Variants in PARP10 observed in about 807,000 individuals in gnomAD.
The protein encoded by PARP10 is poly(ADP-ribose) polymerase family member 10.
Under a neutral mutation model 82.4 loss-of-function variants are expected in PARP10, and 56 were observed. The observed-to-expected ratio is 0.68, with a 90% confidence interval of 0.55 to 0.85. The LOEUF is 0.85. Among genes scored for constraint, PARP10 ranks in the 40% least tolerant of loss-of-function variants. PARP10 has a pLI of 0.00. For synonymous variants in PARP10, 576 were observed against 601.1 expected, an observed-to-expected ratio of 0.96 and a Z score of 0.61; for missense variants, 1,227 against 1,379.4, an observed-to-expected ratio of 0.89 and a Z score of 1.75.
chr8:144,005,718 C>G (rs1554752042), intron 1 of PARP10, among the ~76,000 whole-genome samples: 1 of 152,094 alleles, frequency 6.6e-6, no homozygotes, highest in East Asian at 1.9e-4. Context: ...TGCTACCCAC[C>G]CCAGGGCGTC....
chr8:143,981,292 CGGT>C (rs1833842773), intron 9 of PARP10, among the ~76,000 whole-genome samples: 1 of 151,058 alleles, frequency 6.6e-6, no homozygotes, highest in African/African-American at 2.4e-5. Flanking sequence ...ATGGTGGCCA[CGGT>C]GGTGGTGGTA....
At chr8:143,979,492 T>A (rs993081608) in intron 9 of PARP10, among the ~76,000 whole-genome samples, 1 of 152,184 alleles carries the variant, frequency 6.6e-6, no homozygotes, top group African/African-American at 2.4e-5. Context: ...GAACACTATA[T>A]CCAGCCAAAC....
In PARP10 at chr8:143,977,649, C is replaced by T; in HGVS notation, c.2913G>A (p.Val971=). Residue 971 remains valine, a synonymous_variant, in exon 11 of 11, where the codon GTG becomes GTA. Coordinates refer to ENST00000313028, the MANE Select transcript of PARP10 (RefSeq NM_032789.5). ...CCACGGCGCTGTCGTAGCGCAGGAG[C>T]ACGTGGCCAGGACCCCGCAGAGGGG... ...RAPPLRGPGH[V]LLRYDSAVDC... 1.3e-6 allele frequency: 2 copies of T among 1,594,166 alleles called. No individual in the cohort carries two copies. Among genetic ancestry groups the T allele is most frequent in the Admixed American group, 1.7e-5 (1 of 57,760 alleles).
In PARP10 at chr8:143,985,557, A is replaced by G. The variant is rs1554749108; in HGVS notation, c.528T>C (p.Arg176=). The part of the protein sequence containing the change: ...LARVPQARAV[R]VVGDGASVDL... ...CCACAGAGGCACCATCCCCCACCAC[A>G]CGCACCGCTCGGGCCTGGGGAACCC... The change falls in exon 4 of 11, where the codon CGT becomes CGC. Residue 176 remains arginine (R), a synonymous_variant. Coordinates refer to ENST00000313028, the MANE Select transcript of PARP10 (RefSeq NM_032789.5). 1.2e-6 allele frequency: 2 copies of G among 1,613,816 alleles called. No individual in the cohort carries two copies. Among genetic ancestry groups the G allele is most frequent in the Middle Eastern group, 3.3e-4 (2 of 6,062 alleles).
Position 143,984,870 on chromosome 8 carries a change from T to C in PARP10, c.1132A>G (p.Ser378Gly), listed in dbSNP as rs1554748821. The C allele has an allele frequency of 3.7e-6, 6 of 1,613,780 alleles. No individual in the cohort carries two copies. The highest frequency in any genetic ancestry group is 3.3e-5 in the South Asian group (3 of 91,084). ...VGLQEQEGPMSLGPVGSAGPV... is the reference protein window; with the variant it reads ...VGLQEQEGPMGLGPVGSAGPV... ...CCTGCAGACCCCACAGGCCCCAGGCTCATGGGCCCCTCCTGTTCCTGCAAC... is the reference window on the plus strand; with the variant it reads ...CCTGCAGACCCCACAGGCCCCAGGCCCATGGGCCCCTCCTGTTCCTGCAAC... Residue 378 changes from serine (S) to glycine (G), a missense_variant, in exon 5 of 11, where the codon AGC (serine) becomes GGC (glycine). Transcript: ENST00000313028.
At chr8:143,980,111 G>T (rs1428374874) in intron 9 of PARP10, among the ~76,000 whole-genome samples, 1 of 150,476 alleles carries the variant, frequency 6.6e-6, no homozygotes, top group Non-Finnish European at 1.5e-5. Flanking sequence ...CATGAGGTCA[G>T]GAGATTGAGA....
In PARP10 at chr8:143,985,765, G is replaced by A. The variant is rs1440486748; in HGVS notation, c.392C>T (p.Pro131Leu). ...GGGCAACTGGACCAGAGCCCGGTCT[G>A]GCCGGGGGCTGGCCAAGGCACAGCA... ...QPCCALASPRPDRALVQLPKP... is the reference protein window; with the variant it reads ...QPCCALASPRLDRALVQLPKP... Residue 131 changes from proline to leucine, a missense_variant, in exon 3 of 11, where the codon CCA (proline) becomes CTA (leucine). By Grantham distance (98) the Pro-to-Leu change is moderately conservative. Coordinates refer to ENST00000313028, the MANE Select transcript of PARP10 (RefSeq NM_032789.5). The A allele has an allele frequency of 6.2e-7, 1 of 1,611,016 alleles. No individual in the cohort carries two copies. Among genetic ancestry groups the A allele is most frequent in the Non-Finnish European group, 8.5e-7 (1 of 1,178,726 alleles).
rs1458306913 is a variant in PARP10 at position 143,984,822 on chromosome 8, A to G, written c.1180T>C (p.Leu394=). The G allele has an allele frequency of 6.2e-7, 1 of 1,611,784 alleles. No individual in the cohort carries two copies. Among genetic ancestry groups the G allele is most frequent in the Non-Finnish European group, 8.5e-7 (1 of 1,178,828 alleles). The change falls in exon 5 of 11, where the codon TTG becomes CTG. Residue 394 remains leucine, a synonymous_variant. Coordinates refer to ENST00000313028, the MANE Select transcript of PARP10 (RefSeq NM_032789.5). ...TCCACCAGGCCCTCCTGCCCCAGCA[A>G]CCCCTTAGAGGTCTCCACTGGGCCT... is the stretch of plus-strand genomic sequence containing the variant. ...SAGPVETSKG[L]LGQEGLVEIA...
chr8:143,994,767 C>T (rs1554751133), upstream of PARP10, among the ~76,000 whole-genome samples: 1 of 152,138 alleles, frequency 6.6e-6, no homozygotes, highest in African/African-American at 2.4e-5. Context: ...CACACGGCTC[C>T]CCCTTCCCCC....
intron 1 of PARP10, among the ~76,000 whole-genome samples, chr8:144,010,818 G>C (rs1277525172): frequency 6.6e-6 from 1 of 152,088 alleles, no homozygotes; most frequent in Non-Finnish European, 1.5e-5. Context: ...ATGGGAGGTC[G>C]AGGCAGCAGT....
At chr8:143,992,452 C>T (rs782716188), upstream of PARP10, 2 of 1,613,958 alleles carry the variant, frequency 1.2e-6, no homozygotes, top group Admixed American at 1.7e-5. Flanking sequence ...GCCCGTTCCT[C>T]TCCCACCTGC....
At chr8:144,009,959 C>G (rs1459570617) in intron 1 of PARP10, among the ~76,000 whole-genome samples, 1 of 152,206 alleles carries the variant, frequency 6.6e-6, no homozygotes, top group African/African-American at 2.4e-5. Context: ...CTGTGTGCCA[C>G]TCAGTAGTTT....
rs1554749204 is a variant in PARP10 at position 143,985,847 on chromosome 8, G to A, written c.310C>T (p.Arg104Cys). The A allele has an allele frequency of 1.1e-5, 18 of 1,609,788 alleles. No individual in the cohort carries two copies. Among genetic ancestry groups the A allele is most frequent in the African/African-American group, 6.7e-5 (5 of 74,924 alleles). Residue 104 changes from arginine (R) to cysteine (C), a missense_variant, in exon 3 of 11, where the codon CGC (arginine) becomes TGC (cysteine). Arg to Cys is a radical substitution (Grantham distance 180, BLOSUM62 -3). Coordinates refer to ENST00000313028, the MANE Select transcript of PARP10 (RefSeq NM_032789.5). Reference sequence around the variant, plus strand: ...AAGGCCTGGACATGCTGCTCCAAGCGCTGGGGCGTGGTGCCAGGGGGCAGT... The same window carrying A: ...AAGGCCTGGACATGCTGCTCCAAGCACTGGGGCGTGGTGCCAGGGGGCAGT... ...QGLPPGTTPQRLEQHVQALLR... is the reference protein window; with the variant it reads ...QGLPPGTTPQCLEQHVQALLR...
upstream of PARP10, chr8:143,992,843 C>T (rs781945909): frequency 1.6e-5 from 25 of 1,612,452 alleles, no homozygotes; most frequent in Middle Eastern, 4.9e-4. Flanking sequence ...AAGGAGTAGC[C>T]GAGCTCCAGC....
At position 143,978,032 on chromosome 8, in the gene PARP10, C is replaced by A. The variant is rs868915749; in HGVS notation, c.2606G>T (p.Arg869Leu). The A allele has an allele frequency of 6.3e-7, 1 of 1,576,762 alleles. No individual in the cohort carries two copies. The highest frequency in any genetic ancestry group is 1.1e-5 in the South Asian group (1 of 88,738). ...CTCGCATCGCTGCAGCAGGCGCTCC[C>A]GGTACAGCTCATACTGCTGCTGCAG... ...PLLQQQYELY[R>L]ERLLQRCERR... is the part of the protein sequence containing the mutation. The change falls in exon 10 of 11, where the codon CGG becomes CTG. Residue 869 changes from arginine (R) to leucine (L), a missense_variant. Arg to Leu is a moderately radical substitution (Grantham distance 102). Transcript: ENST00000313028.
At chr8:144,006,054 C>A (rs1302315366) in intron 1 of PARP10, among the ~76,000 whole-genome samples, 1 of 152,194 alleles carries the variant, frequency 6.6e-6, no homozygotes, top group Non-Finnish European at 1.5e-5. Flanking sequence ...TCCTAGGGCC[C>A]CCCTAACCCC....
At chr8:143,981,037 A>G (rs1417508994) in intron 9 of PARP10, among the ~76,000 whole-genome samples, 3 of 150,604 alleles carry the variant, frequency 2.0e-5, no homozygotes, top group African/African-American at 5.0e-5. Flanking sequence ...AACAATCTCT[A>G]AAGCTGTCAA....
At chr8:143,995,773 A>T (rs1834160183), upstream of PARP10, among the ~76,000 whole-genome samples, 1 of 152,142 alleles carries the variant, frequency 6.6e-6, no homozygotes, top group Non-Finnish European at 1.5e-5. Context: ...TCAACATCAG[A>T]CTACTCTGAC....
At chr8:144,000,847 G>A (rs1385391888) in intron 1 of PARP10, among the ~76,000 whole-genome samples, 1 of 151,104 alleles carries the variant, frequency 6.6e-6, no homozygotes, top group Non-Finnish European at 1.5e-5. Context: ...AGGAGTTTGA[G>A]ACCAGTCTGG....
Sources: allele counts gnomAD v4.1 joint callset (sites outside exome capture counted in the v4.1 genomes callset), GRCh38; gene constraint gnomAD v4.1.1; transcripts MANE v1.5; gene names NCBI Gene and HGNC (gene_info 2026-07-23, HGNC 2026-07-21).